The following CYP2D6 variants were observed in gnomAD, a reference collection of about 807,000 sequenced individuals.
CYP2D6 encodes the protein cytochrome P450 family 2 subfamily D member 6 (gene/pseudogene).
Under a neutral mutation model 43.5 loss-of-function variants are expected in CYP2D6, and 51 were observed. The ratio of observed to expected loss-of-function variants is 1.17; its 90% CI spans 0.94 to 1.48. The LOEUF is 1.48. Among genes scored for constraint, CYP2D6 ranks in the 40% most tolerant of loss-of-function variants. The pLI is 0.00. For missense variants in CYP2D6, 698 were observed against 688.0 expected (o/e 1.01, Z -0.16); for synonymous variants, 346 against 297.1 (o/e 1.16, Z -1.69).
At position 42,128,367 on chromosome 22, in the gene CYP2D6, G is replaced by C. The variant is rs79331140; in HGVS notation, c.667-17C>G. 5.0e-4 allele frequency: 806 copies of C among 1,608,692 alleles called. 2 individuals are homozygous for C. The East Asian group carries it at 0.016, about 31-fold the overall frequency. ...ATTCAGCACCTACACCAGACAGAAC[G>C]GGGTCTCAATCCCTCCTGTGCTCTG... On this transcript the variant is annotated splice_polypyrimidine_tract_variant and intron_variant, in intron 4 of 8. Transcript: ENST00000645361.
Position 42,127,608 on chromosome 22 carries a change from C to G in CYP2D6, c.1012G>C (p.Val338Leu). The change falls in exon 7 of 9, where the codon GTG (valine) becomes CTG (leucine). Residue 338 changes from valine to leucine, a missense_variant. Coordinates refer to ENST00000645361, the MANE Select transcript of CYP2D6 (RefSeq NM_000106.6). ...TCTGGTCGCCGCACCTGCCCTATCA[C>G]GTCGTCGATCTCCTGTTGGACACGG... ...QRRVQQEIDD[V>L]IGQVRRPEMG... 6.2e-7 allele frequency: 1 copy of G among 1,611,386 alleles called. No individual in the cohort carries two copies. The highest frequency in any genetic ancestry group is 1.7e-5 in the Admixed American group (1 of 59,944).
At position 42,127,798 on chromosome 22, in the gene CYP2D6, C is replaced by CCCTT; in HGVS notation, c.985+40_985+43dup. The CCCTT allele has an allele frequency of 1.9e-6, 3 of 1,605,338 alleles. 1 individual carries two copies. The highest frequency in any genetic ancestry group is 2.6e-6 in the Non-Finnish European group (3 of 1,172,876). On this transcript the variant is annotated intron_variant, in intron 6 of 8. Transcript: ENST00000645361. ...CAAAGTTCATGGGCCCCCGCCTGTA[C>CCCTT]CCTTCCTCCCTCGGCCCCTGCACTG... is the stretch of plus-strand genomic sequence containing the variant.
Position 42,127,962 on chromosome 22 carries a change from T to G in CYP2D6, c.865A>C (p.Ser289Arg). ...ATGCGCAGGTTCTCATCATTGAAGC[T>G]GCTCTCAGGGTTCCCCTTGGCCTGA... The part of the protein sequence containing the change: ...MEKAKGNPES[S>R]FNDENLRIVV... Residue 289 changes from serine to arginine, a missense_variant, in exon 6 of 9, where the codon AGC becomes CGC. Ser to Arg is a moderately radical substitution (Grantham distance 110). Transcript: ENST00000645361. The G allele has an allele frequency of 6.2e-7, 1 of 1,611,470 alleles. No homozygotes were observed. The highest frequency in any genetic ancestry group is 8.5e-7 in the Non-Finnish European group (1 of 1,178,380).
rs755739815 is a variant in CYP2D6, at chr22:42,129,026, C to T, written c.505+7G>A. ...TCCCGCTTTGTGCCCTTCTGCCCAT[C>T]ACCCACCGGAGTGGTTGGCGAAGGC... is the stretch of plus-strand genomic sequence containing the variant. On this transcript the variant is annotated splice_region_variant and intron_variant, in intron 3 of 8. Transcript: ENST00000645361. 3 of 1,604,696 alleles carry T rather than the reference C, an allele frequency of 1.9e-6. No individual in the cohort carries two copies. Among genetic ancestry groups the T allele is most frequent in the East Asian group, 2.2e-5 (1 of 44,526 alleles).
rs1602581702 is a variant in CYP2D6 at position 42,129,329 on chromosome 22, A to G, written c.353-144T>C. 1 of 1,137,022 alleles carries G rather than the reference A, an allele frequency of 8.8e-7. No individual in the cohort carries two copies. 70.4% of individuals were successfully genotyped at this position (1,137,022 alleles called of 1,614,324 possible). A position where few individuals can be genotyped will look rare whatever the true frequency, so the allele number is the denominator to read the frequency against. On this transcript the variant is annotated intron_variant, in intron 2 of 8. Coordinates refer to ENST00000645361, the MANE Select transcript of CYP2D6 (RefSeq NM_000106.6). ...CACAGGGCCCACTCTTTGTGCATCCACCTTGCTCCCTTGGCTGGGGCAGGG... is the reference window on the plus strand; with the variant it reads ...CACAGGGCCCACTCTTTGTGCATCCGCCTTGCTCCCTTGGCTGGGGCAGGG...
intron 1 of CYP2D6, chr22:42,130,362 C>T (rs1407050625): frequency 6.7e-6 from 4 of 592,986 alleles, no homozygotes; most frequent in African/African-American, 4.1e-5. Flanking sequence ...ACATATGTTG[C>T]CCAATGGGCT....
chr22:42,126,799 C>T (rs1222258476), intron 8 of CYP2D6, 47 bp from the exon 9 acceptor site: 3 of 1,546,070 alleles, frequency 1.9e-6, no homozygotes, highest in Admixed American at 2.0e-5. Context: ...CTGGGTGATA[C>T]CCCTGCAAGA....
intron 7 of CYP2D6, among the ~76,000 whole-genome samples, 167 bp from the exon 8 acceptor site, chr22:42,127,159 G>T (rs1267581743): frequency 1.3e-5 from 2 of 150,962 alleles, no homozygotes; most frequent in Non-Finnish European, 1.5e-5. Flanking sequence ...ACAGCAGGGC[G>T]CAGTCACACC....
rs2146937158 is a variant in CYP2D6 at position 42,128,895 on chromosome 22, C to A, written c.555G>T (p.Val185=). 1 of 1,594,802 alleles carries A rather than the reference C, an allele frequency of 6.3e-7. No homozygotes were observed. Among genetic ancestry groups the A allele is most frequent in the East Asian group, 2.3e-5 (1 of 44,058 alleles). Residue 185 remains valine (V), a synonymous_variant, in exon 4 of 9, where the codon GTG becomes GTT. Coordinates refer to ENST00000645361, the MANE Select transcript of CYP2D6 (RefSeq NM_000106.6). ...NGLLDKAVSN[V]IASLTCGRRF... ...GGCGCCCGCAGGTGAGGGAGGCGAT[C>A]ACGTTGCTCACGGCTTTGTCCAAGA...
In CYP2D6 at chr22:42,128,266, G is replaced by A. The variant is rs1931298949; in HGVS notation, c.751C>T (p.Leu251=). The stretch of plus-strand genomic sequence containing the variant: ...CTGTGCTCAGTTAGCAGCTCATCCA[G>A]CTGGGTCAGGAAAGCCTTTTGGAAG... ...LRFQKAFLTQ[L]DELLTEHRMT... is the part of the protein sequence containing the mutation. The change falls in exon 5 of 9, where the codon CTG becomes TTG. Residue 251 remains leucine, a synonymous_variant. Transcript: ENST00000645361. The A allele has an allele frequency of 6.2e-7, 1 of 1,610,662 alleles. No homozygotes were observed.
chr22:42,129,462 C>G (rs1389816394), intron 2 of CYP2D6: 1 of 726,416 alleles, frequency 1.4e-6, no homozygotes, highest in Non-Finnish European at 2.4e-6. Context: ...GCGGTCCCCG[C>G]CCCCCACTTC....
Position 42,127,521 on chromosome 22 carries a change from C to T in CYP2D6, c.1099G>A (p.Gly367Arg). Residue 367 changes from glycine to arginine, a missense_variant, in exon 7 of 9, where the codon GGG (glycine) becomes AGG (arginine). Gly to Arg is a moderately radical substitution (Grantham distance 125). This residue lies in a region of CYP2D6 where 588 missense variants were observed against 521.1 expected (regional missense o/e 1.13). Coordinates refer to ENST00000645361, the MANE Select transcript of CYP2D6 (RefSeq NM_000106.6). ...TAVIHEVQRF[G>R]DIVPLGVTHM... ...GTCACACCCAGGGGGACGATGTCCC[C>T]AAAGCGCTGCACCTCATGAATCACG... The T allele has an allele frequency of 3.1e-6, 5 of 1,611,944 alleles. No homozygotes were observed. Among genetic ancestry groups the T allele is most frequent in the Non-Finnish European group, 4.2e-6 (5 of 1,178,530 alleles).
intron 8 of CYP2D6, 36 bp downstream of exon 8, chr22:42,126,815 C>G: frequency 6.5e-7 from 1 of 1,546,550 alleles, no homozygotes. Flanking sequence ...CAAGACTCCA[C>G]GGAAGGGGAC....
At position 42,126,544 on chromosome 22, in the gene CYP2D6, G is replaced by C. The variant is rs778223742; in HGVS notation, c.*30C>G. ...TATTGTACATTAGAGCCTCTGGCTA[G>C]GGAGCAGGCTGGGGACTAGGTACCC... On this transcript the variant is annotated 3_prime_UTR_variant, in exon 9 of 9. Transcript: ENST00000645361. 71 of 1,535,912 alleles carry C rather than the reference G, an allele frequency of 4.6e-5. 1 individual carries two copies. Among genetic ancestry groups the C allele is most frequent in the Non-Finnish European group, 6.1e-5 (70 of 1,140,830 alleles).
rs1362866663 is a variant in CYP2D6, at chr22:42,128,960, G to T, written c.506-16C>A. On this transcript the variant is annotated splice_polypyrimidine_tract_variant and intron_variant, in intron 3 of 8. Transcript: ENST00000645361. ...AAGGGGCGTCCTGGGGGTGGGAGATGCGGGTAAGGGGTCGCCTTCCCCGTC... is the reference window on the plus strand; with the variant it reads ...AAGGGGCGTCCTGGGGGTGGGAGATTCGGGTAAGGGGTCGCCTTCCCCGTC... 10 of 1,583,170 alleles carry T rather than the reference G, an allele frequency of 6.3e-6. No homozygotes were observed. Among genetic ancestry groups the T allele is most frequent in the Non-Finnish European group, 8.6e-6 (10 of 1,164,644 alleles).
rs1418012321 is a variant in CYP2D6, at chr22:42,129,777, G to A, written c.313C>T (p.Pro105Ser). Residue 105 changes from proline to serine, a missense_variant, in exon 2 of 9, where the codon CCC becomes TCC. Physicochemically the swap from Pro to Ser is moderately conservative, Grantham distance 74. Coordinates refer to ENST00000645361, the MANE Select transcript of CYP2D6 (RefSeq NM_000106.6). ...GEDTADRPPV[P>S]ITQILGFGPR... Reference sequence around the variant, plus strand: ...CCGAAACCCAGGATCTGGGTGATGGGCACAGGCGGGCGGTCGGCGGTGTCC... The same window carrying A: ...CCGAAACCCAGGATCTGGGTGATGGACACAGGCGGGCGGTCGGCGGTGTCC... The A allele has an allele frequency of 2.5e-6, 4 of 1,608,888 alleles. No individual in the cohort carries two copies. The highest frequency in any genetic ancestry group is 3.4e-6 in the Non-Finnish European group (4 of 1,178,026).
intron 1 of CYP2D6, 96 bp from the exon 2 acceptor site, chr22:42,130,005 C>G (rs2146942148): frequency 7.9e-7 from 1 of 1,267,448 alleles, no homozygotes; most frequent in Non-Finnish European, 1.1e-6. Context: ...CCGGGGCTAC[C>G]AGGAGTGAGC....
At chr22:42,129,952 C>T in intron 1 of CYP2D6, 43 bp from the exon 2 acceptor site, 2 of 1,489,616 alleles carry the variant, frequency 1.3e-6, no homozygotes, top group African/African-American at 3.0e-5. Context: ...CCAGGATCAC[C>T]CCAGACTACA....
In CYP2D6 at chr22:42,127,443, C is replaced by G; in HGVS notation, c.1173+4G>C. On this transcript the variant is annotated splice_donor_region_variant and intron_variant, in intron 7 of 8. Transcript: ENST00000645361. The stretch of plus-strand genomic sequence containing the variant: ...AGCTGGGGTGAGGAGGGCGCCAGGC[C>G]TACCTTAGGGATGCGGAAGCCCTGT... The G allele has an allele frequency of 6.2e-7, 1 of 1,604,882 alleles. No individual in the cohort carries two copies. Among genetic ancestry groups the G allele is most frequent in the Non-Finnish European group, 8.5e-7 (1 of 1,172,770 alleles).
Sources: gnomAD v4.1 joint callset for allele counts (sites outside exome capture counted in the v4.1 genomes callset) on GRCh38, gnomAD v4.1.1 for gene constraint, gnomAD v4.1.1 regional missense constraint, MANE v1.5 for transcripts, NCBI Gene and HGNC (gene_info 2026-07-23, HGNC 2026-07-21) for gene names.